The following WDR88 variants were observed in gnomAD, a reference collection of about 807,000 sequenced individuals.
WDR88 encodes WD repeat-containing protein 88.
In WDR88, 40 loss-of-function variants were observed where a neutral mutation model predicts 46.8. The ratio of observed to expected loss-of-function variants is 0.86; its 90% CI spans 0.66 to 1.11. The LOEUF (loss-of-function observed/expected upper bound fraction) is 1.11, where lower values mean the gene tolerates loss of function less well. WDR88 is among the 50% of genes most tolerant of loss of function. The pLI is 0.00. For missense variants in WDR88, 562 were observed against 602.4 expected, an observed-to-expected ratio of 0.93 and a Z score of 0.70; for synonymous variants, 235 against 240.7, an observed-to-expected ratio of 0.98 and a Z score of 0.22.
rs572054264 is a variant in WDR88, at chr19:33,137,577, C to T, written c.277-100C>T. ...AGAATTTTTTAAATTCATTTTTTTC[C>T]GGGTGGTTTATTGCAAGTGTTTAGA... On this transcript the variant is annotated intron_variant, in intron 1 of 10. Transcript: ENST00000355868. The T allele has an allele frequency of 2.7e-4, 291 of 1,074,008 alleles. 2 individuals are homozygous for T. In the African/African-American group the frequency reaches 4.0e-3, roughly 15 times the overall value. The allele number at this position is 1,074,008 out of a possible 1,614,324, so 66.5% of individuals were successfully genotyped here.
intron 1 of WDR88, among the ~76,000 whole-genome samples, chr19:33,133,764 A>G (rs1396371978): frequency 6.6e-6 from 1 of 152,056 alleles, no homozygotes; most frequent in Non-Finnish European, 1.5e-5. Flanking sequence ...TTGCTGACCT[A>G]CAAGCAGGTC....
At chr19:33,155,892 C>T (rs532505837) in intron 6 of WDR88, among the ~76,000 whole-genome samples, 73 of 152,266 alleles carry the variant, frequency 4.8e-4, no homozygotes, top group Admixed American at 1.0e-3. Context: ...GAACACAGGA[C>T]GGCCCCCACA....
chr19:33,148,886 A>C lies in WDR88; in HGVS notation c.655A>C (p.Ile219Leu). The C allele has an allele frequency of 6.2e-7, 1 of 1,614,114 alleles. No individual in the cohort carries two copies. Among genetic ancestry groups the C allele is most frequent in the Non-Finnish European group, 8.5e-7 (1 of 1,180,022 alleles). Reference sequence around the variant, plus strand: ...AATCTGCATAATGGACGCCGAGAACATCACCACCGTTTCCGTCATCAAAGG... The same window carrying C: ...AATCTGCATAATGGACGCCGAGAACCTCACCACCGTTTCCGTCATCAAAGG... ...HGICIMDAENITTVSVIKDHH... is the reference protein window; with the variant it reads ...HGICIMDAENLTTVSVIKDHH... Residue 219 changes from isoleucine (I) to leucine (L), a missense_variant, in exon 5 of 11, where the codon ATC (isoleucine) becomes CTC (leucine). Ile to Leu is a conservative substitution (Grantham distance 5). Coordinates refer to ENST00000355868, the MANE Select transcript of WDR88 (RefSeq NM_173479.4).
chr19:33,135,675 C>T (rs1236175796), intron 1 of WDR88, among the ~76,000 whole-genome samples: 1 of 152,158 alleles, frequency 6.6e-6, no homozygotes, highest in Admixed American at 6.6e-5. Flanking sequence ...ACCTTGGCCT[C>T]CCAAAGTGCT....
rs78414535 is a variant in WDR88, at chr19:33,160,281, C to A, written c.998-133C>A. The A allele has an allele frequency of 7.6e-3, 6,545 of 865,940 alleles. 297 individuals are homozygous for A. The African/African-American group carries it at 0.095, about 13-fold the overall frequency. The allele number at this position is 865,940 out of a possible 1,614,324, so 53.6% of individuals were successfully genotyped here. A position where few individuals can be genotyped will look rare whatever the true frequency, so the allele number is the denominator to read the frequency against. On this transcript the variant is annotated intron_variant, in intron 7 of 10. Transcript: ENST00000355868. ...TGTAATTGGCTTGGGGTCGTGGAGCCACTCCAGGAAGGGGTTTCAGTGTTG... is the reference window on the plus strand; with the variant it reads ...TGTAATTGGCTTGGGGTCGTGGAGCAACTCCAGGAAGGGGTTTCAGTGTTG...
intron 9 of WDR88, among the ~76,000 whole-genome samples, chr19:33,165,193 G>A (rs1973933540): frequency 1.3e-5 from 2 of 152,138 alleles, no homozygotes; most frequent in African/African-American, 4.8e-5. Flanking sequence ...ACCTCCTGCT[G>A]TGTGGCCCAT....
At position 33,148,995 on chromosome 19, in the gene WDR88, T is replaced by C. The variant is rs1381968896; in HGVS notation, c.679+85T>C. The C allele has an allele frequency of 5.1e-6, 8 of 1,581,294 alleles. No individual in the cohort carries two copies. In the East Asian group the frequency reaches 1.1e-4, roughly 22 times the overall value. ...GACTGACGGTGACCTTCCATTGCTT[T>C]ATTTGGTGAAACTGTAATGGTATGA... On this transcript the variant is annotated intron_variant, in intron 5 of 10. Coordinates refer to ENST00000355868, the MANE Select transcript of WDR88 (RefSeq NM_173479.4).
chr19:33,142,655 A>C (rs1215832942), intron 2 of WDR88: 1 of 151,614 alleles, frequency 6.6e-6, no homozygotes, highest in African/African-American at 2.4e-5. Context: ...CTTCATGGAG[A>C]CAAGAGCCCT....
intron 9 of WDR88, among the ~76,000 whole-genome samples, chr19:33,164,938 C>T (rs910382388): frequency 6.6e-6 from 1 of 151,744 alleles, no homozygotes; most frequent in Non-Finnish European, 1.5e-5. Context: ...AGTGGGAGCC[C>T]TGAGCTTGTT....
In WDR88 at chr19:33,137,806, G is replaced by C; in HGVS notation, c.387+19G>C. 1 of 1,607,136 alleles carries C rather than the reference G, an allele frequency of 6.2e-7. No individual in the cohort carries two copies. The highest frequency in any genetic ancestry group is 8.5e-7 in the Non-Finnish European group (1 of 1,175,932). On this transcript the variant is annotated intron_variant, in intron 2 of 10. Transcript: ENST00000355868. ...GCTGTGGGTAGGTGGCCGGCTGTTA[G>C]GTACTCCTGGAGCGAAAACCTTTCC... is the stretch of plus-strand genomic sequence containing the variant.
chr19:33,139,650 A>G (rs1321471031), intron 2 of WDR88, among the ~76,000 whole-genome samples: 2 of 152,156 alleles, frequency 1.3e-5, no homozygotes, highest in Admixed American at 1.3e-4. Context: ...GTACAGGCAA[A>G]AGGATTTAAG....
chr19:33,132,912 C>A (rs1973160497), intron 1 of WDR88, among the ~76,000 whole-genome samples: 1 of 152,194 alleles, frequency 6.6e-6, no homozygotes, highest in African/African-American at 2.4e-5. Context: ...GTAATCCCAG[C>A]CCTTTGGGAG....
Position 33,175,382 on chromosome 19 carries a change from A to C in WDR88, c.1243-14A>C, listed in dbSNP as rs1285573175. 1 of 1,613,180 alleles carries C rather than the reference A, an allele frequency of 6.2e-7. No homozygotes were observed. Among genetic ancestry groups the C allele is most frequent in the Non-Finnish European group, 8.5e-7 (1 of 1,179,372 alleles). On this transcript the variant is annotated splice_polypyrimidine_tract_variant and intron_variant, in intron 10 of 10. Coordinates refer to ENST00000355868, the MANE Select transcript of WDR88 (RefSeq NM_173479.4). ...AGCACCTCCTTTCTGCTCTTTTAAA[A>C]TATCCCATGTCAGTGCGAAAGATGT...
At chr19:33,174,305 T>G in intron 10 of WDR88, 1 of 1,525,052 alleles carries the variant, frequency 6.6e-7, no homozygotes. Context: ...AGGTAGGGTT[T>G]ACCCCCCTCT....
At chr19:33,140,651 G>T (rs532825727) in intron 2 of WDR88, among the ~76,000 whole-genome samples, 3 of 152,198 alleles carry the variant, frequency 2.0e-5, no homozygotes, top group Admixed American at 6.5e-5. Flanking sequence ...TTAGCTGGGT[G>T]TGGTGGCAGG....
At chr19:33,171,812 C>T (rs780991420) in intron 9 of WDR88, among the ~76,000 whole-genome samples, 10 of 152,162 alleles carry the variant, frequency 6.6e-5, no homozygotes, top group African/African-American at 9.7e-5. Context: ...CTCACTCTGT[C>T]GCACAGGCTT....
intron 2 of WDR88, among the ~76,000 whole-genome samples, chr19:33,141,422 A>C (rs1277998844): frequency 6.6e-6 from 1 of 151,300 alleles, no homozygotes; most frequent in East Asian, 2.0e-4. Context: ...TAGAGATGGG[A>C]TCTCCCTGTG....
chr19:33,151,030 A>T, intron 5 of WDR88, 151 bp from the exon 6 acceptor site: 1 of 905,058 alleles, frequency 1.1e-6, no homozygotes, highest in Non-Finnish European at 1.6e-6. Flanking sequence ...GGGACATAGT[A>T]GTCACTCAGG....
intron 1 of WDR88, 26 bp downstream of exon 1, chr19:33,132,471 G>A (rs747068057): frequency 9.9e-6 from 16 of 1,609,684 alleles, no homozygotes; most frequent in Admixed American, 1.7e-5. Flanking sequence ...GGGGTGAGGG[G>A]GCACTGGCCT....
Sources: gnomAD v4.1 joint callset for allele counts (sites outside exome capture counted in the v4.1 genomes callset) on GRCh38, gnomAD v4.1.1 for gene constraint, MANE v1.5 for transcripts, NCBI Gene and HGNC (gene_info 2026-07-23, HGNC 2026-07-21) for gene names.